RASGRF1: variants seen among roughly 807,000 people sequenced by gnomAD.
RASGRF1 encodes the protein ras-specific guanine nucleotide-releasing factor 1.
Under a neutral mutation model 138.7 loss-of-function variants are expected in RASGRF1, and 40 were observed. The ratio of observed to expected loss-of-function variants is 0.29; its 90% CI spans 0.22 to 0.38. The LOEUF (loss-of-function observed/expected upper bound fraction) is 0.38. Ranked by LOEUF, RASGRF1 falls within the 10% of genes least tolerant of loss-of-function variation. RASGRF1 has a pLI of 1.00. For synonymous variants in RASGRF1, 614 were observed against 663.2 expected, an observed-to-expected ratio of 0.93 and a Z score of 1.14; for missense variants, 1,108 against 1,650.4, an observed-to-expected ratio of 0.67 and a Z score of 5.69.
chr15:79,072,267 C>CCTT (rs2057767898), intron 1 of RASGRF1, among the ~76,000 whole-genome samples: 1 of 61,576 alleles, frequency 1.6e-5, no homozygotes, highest in Non-Finnish European at 3.0e-5. Flanking sequence ...GATAAACAAT[C>CCTT]TTTTTTTTTT....
intron 1 of RASGRF1, among the ~76,000 whole-genome samples, chr15:79,076,535 G>T (rs1212133858): frequency 6.6e-6 from 1 of 152,212 alleles, no homozygotes; most frequent in Admixed American, 6.5e-5. Context: ...TGGGAATGTG[G>T]CATAGTGGCA....
chr15:79,019,970 C>T (rs913699912), intron 11 of RASGRF1, 71 bp downstream of exon 11: 66 of 1,577,456 alleles, frequency 4.2e-5, no homozygotes, highest in Non-Finnish European at 1.0e-5. Flanking sequence ...ATGCCTGGCC[C>T]AACCTTTAGG....
chr15:79,004,339 G>A (rs774718512), intron 14 of RASGRF1, among the ~76,000 whole-genome samples, 164 bp from the exon 15 acceptor site: 27 of 152,174 alleles, frequency 1.8e-4, no homozygotes, highest in Non-Finnish European at 2.4e-4. Context: ...GGGACAATGC[G>A]ATTAAATGGC....
chr15:79,004,129 A>G lies in RASGRF1; in HGVS notation c.2122T>C (p.Tyr708His), dbSNP rs2056614827. 6.2e-7 allele frequency: 1 copy of G among 1,609,776 alleles called. No homozygotes were observed. The highest frequency in any genetic ancestry group is 8.5e-7 in the Non-Finnish European group (1 of 1,177,372). The change falls in exon 15 of 27, where the codon TAC (tyrosine) becomes CAC (histidine). Residue 708 changes from tyrosine (Y) to histidine (H), a missense_variant. Physicochemically the swap from Tyr to His is moderately conservative, Grantham distance 83. Coordinates refer to ENST00000558480, the MANE Select transcript of RASGRF1 (RefSeq NM_001145648.3). ...FASGQNNKLL[Y>H]GEPPKSPRAT... ...CGCGGGGACTTGGGGGGTTCACCGT[A>G]CAGGAGCTTATTGTTCTGGCCACTG...
In RASGRF1 at chr15:78,991,808, G is replaced by A. The variant is rs1184841386; in HGVS notation, c.3028-14C>T. 1 of 1,603,730 alleles carries A rather than the reference G, an allele frequency of 6.2e-7. No individual in the cohort carries two copies. The highest frequency in any genetic ancestry group is 8.5e-7 in the Non-Finnish European group (1 of 1,171,178). ...CACGCCTTCAGCCTGGTTTTGAGTT[G>A]GGGGAGCAACATTTTGAGTTAGGCC... On this transcript the variant is annotated splice_polypyrimidine_tract_variant and intron_variant, in intron 20 of 26. Transcript: ENST00000558480.
At chr15:79,012,354 A>G (rs1199937591) in intron 13 of RASGRF1, 5 of 686,792 alleles carry the variant, frequency 7.3e-6, no homozygotes, top group Non-Finnish European at 1.3e-5. Context: ...AGGTAGATCT[A>G]TCACTCATCT....
At chr15:78,969,022 C>T (rs2055699511) in intron 26 of RASGRF1, among the ~76,000 whole-genome samples, 1 of 152,194 alleles carries the variant, frequency 6.6e-6, no homozygotes, top group African/African-American at 2.4e-5. Context: ...TACAAATCCC[C>T]ACCTGTCCCT....
intron 8 of RASGRF1, among the ~76,000 whole-genome samples, chr15:79,029,480 G>A (rs941799907): frequency 6.6e-6 from 1 of 152,150 alleles, no homozygotes; most frequent in Non-Finnish European, 1.5e-5. Flanking sequence ...CCCAGGTGGG[G>A]GTCTGTGTTT....
chr15:78,978,794 C>T lies in RASGRF1; in HGVS notation c.3494+1826G>A, dbSNP rs1039663369. 9 of 1,138,124 alleles carry T rather than the reference C, an allele frequency of 7.9e-6. No individual in the cohort carries two copies. The Admixed American group carries it at 1.9e-4, about 24-fold the overall frequency. The allele number at this position is 1,138,124 out of a possible 1,614,324, so 70.5% of individuals were successfully genotyped here. ...TTGCCCCAGGTTTCCCCAGTCCCTCCCTCCTCTGTGTGCCCTGCCTATGTC... is the reference window on the plus strand; with the variant it reads ...TTGCCCCAGGTTTCCCCAGTCCCTCTCTCCTCTGTGTGCCCTGCCTATGTC... On this transcript the variant is annotated intron_variant, in intron 24 of 26. Transcript: ENST00000558480.
chr15:79,077,172 A>G (rs972183351), intron 1 of RASGRF1, among the ~76,000 whole-genome samples: 1 of 152,180 alleles, frequency 6.6e-6, no homozygotes, highest in Non-Finnish European at 1.5e-5. Context: ...TATTCCATAA[A>G]ACCAGTGTTC....
chr15:79,086,587 C>G (rs78343424), intron 1 of RASGRF1, among the ~76,000 whole-genome samples: 1 of 144,344 alleles, frequency 6.9e-6, no homozygotes, highest in African/African-American at 2.6e-5. Context: ...CCCCCCCCCC[C>G]AGCTTCTGGG....
Position 79,006,129 on chromosome 15 carries a change from T to G in RASGRF1, c.2075+57A>C, listed in dbSNP as rs756155377. On this transcript the variant is annotated intron_variant, in intron 14 of 26. Coordinates refer to ENST00000558480, the MANE Select transcript of RASGRF1 (RefSeq NM_001145648.3). This position sits in a 1 kb window ranked among gnomAD's most constrained non-coding sequence, Gnocchi z 4.0. Reference sequence around the variant, plus strand: ...CCCCCCGGCCCCGTGCAAGCTCAGTTTTCCTCCAAGGCTTGGAAGCTCTCC... The same window carrying G: ...CCCCCCGGCCCCGTGCAAGCTCAGTGTTCCTCCAAGGCTTGGAAGCTCTCC... 15 of 1,607,638 alleles carry G rather than the reference T, an allele frequency of 9.3e-6. No homozygotes were observed. The highest frequency in any genetic ancestry group is 1.3e-5 in the Non-Finnish European group (15 of 1,175,652).
intron 1 of RASGRF1, among the ~76,000 whole-genome samples, chr15:79,081,064 A>C (rs2141101147): frequency 6.6e-6 from 1 of 152,354 alleles, no homozygotes; most frequent in South Asian, 2.1e-4. Context: ...GTAATCTGAA[A>C]AGGTGCTTTA....
chr15:79,021,734 C>T (rs1020424208), intron 10 of RASGRF1, among the ~76,000 whole-genome samples: 2 of 152,168 alleles, frequency 1.3e-5, no homozygotes, highest in African/African-American at 4.8e-5. Flanking sequence ...CACGTGCTGG[C>T]TTCTTCTGTC....
In RASGRF1 at chr15:79,032,398, C is replaced by T. The variant is rs951224479; in HGVS notation, c.959-82G>A. 5 of 1,403,118 alleles carry T rather than the reference C, an allele frequency of 3.6e-6. No homozygotes were observed. The highest frequency in any genetic ancestry group is 1.3e-5 in the South Asian group (1 of 76,602). 86.9% of individuals were successfully genotyped at this position (1,403,118 alleles called of 1,614,324 possible). ...CCTAGGCCCTTGGCTCCCCCAGCTACACCCAGAGAGGCCAGGGGCCAGGTT... is the reference window on the plus strand; with the variant it reads ...CCTAGGCCCTTGGCTCCCCCAGCTATACCCAGAGAGGCCAGGGGCCAGGTT... On this transcript the variant is annotated intron_variant, in intron 6 of 26. Coordinates refer to ENST00000558480, the MANE Select transcript of RASGRF1 (RefSeq NM_001145648.3). This position sits in a 1 kb window ranked among gnomAD's most constrained non-coding sequence, Gnocchi z 4.5.
At chr15:79,044,532 C>T (rs527905642) in intron 5 of RASGRF1, among the ~76,000 whole-genome samples, 2 of 152,296 alleles carry the variant, frequency 1.3e-5, no homozygotes, top group East Asian at 3.9e-4. Context: ...AGTGTCCTTG[C>T]CTTTGGTGGG....
Position 79,031,448 on chromosome 15 carries a change from T to C in RASGRF1, c.1214A>G (p.Glu405Gly). The change falls in exon 8 of 27, where the codon GAG (glutamate) becomes GGG (glycine). Residue 405 changes from glutamate (E) to glycine (G), a missense_variant. This residue lies in a region of RASGRF1 where 169 missense variants were observed against 344.2 expected (regional missense o/e 0.49). Coordinates refer to ENST00000558480, the MANE Select transcript of RASGRF1 (RefSeq NM_001145648.3). ...LLAHTPHEHVERNSLDYAKSK... is the reference protein window; with the variant it reads ...LLAHTPHEHVGRNSLDYAKSK... ...CTTGGCGTAGTCCAGGCTGTTGCGC[T>C]CAACGTGCTCATGAGGCGTGTGGGC... 2 of 1,613,426 alleles carry C rather than the reference T, an allele frequency of 1.2e-6. No homozygotes were observed. The highest frequency in any genetic ancestry group is 1.7e-6 in the Non-Finnish European group (2 of 1,179,724).
At chr15:79,065,344 A>T (rs1198202196) in intron 1 of RASGRF1, among the ~76,000 whole-genome samples, 1 of 150,188 alleles carries the variant, frequency 6.7e-6, no homozygotes. Context: ...GCATGGGGGC[A>T]GCTTGGTGTC....
chr15:78,966,665 A>T (rs16970371), intron 26 of RASGRF1, among the ~76,000 whole-genome samples: 9,429 of 152,182 alleles, frequency 0.062, 991 homozygotes, highest in African/African-American at 0.22. Flanking sequence ...AGTAGCATTA[A>T]ACGGTTCATA....
Sources: allele counts gnomAD v4.1 joint callset (sites outside exome capture counted in the v4.1 genomes callset), GRCh38; gene constraint gnomAD v4.1.1; regional missense constraint gnomAD v4.1.1; non-coding constraint Gnocchi (gnomAD v3.1); transcripts MANE v1.5; gene names NCBI Gene and HGNC (gene_info 2026-07-23, HGNC 2026-07-21).